The following ALAD variants were observed in gnomAD, a reference collection of about 807,000 sequenced individuals.
ALAD encodes delta-aminolevulinic acid dehydratase.
Under a neutral mutation model 44.4 loss-of-function variants are expected in ALAD, and 20 were observed. That is an observed-to-expected ratio of 0.45 (90% CI 0.32 to 0.65). The LOEUF is 0.65. Among genes scored for constraint, ALAD ranks in the 30% least tolerant of loss-of-function variants. ALAD has a pLI of 0.05. For synonymous variants in ALAD, 156 were observed against 167.9 expected (o/e 0.93, Z 0.55); for missense variants, 323 against 445.7 (o/e 0.72, Z 2.48).
intron 4 of ALAD, among the ~76,000 whole-genome samples, chr9:113,391,317 C>T (rs961781407): frequency 6.6e-6 from 1 of 152,130 alleles, no homozygotes; most frequent in African/African-American, 2.4e-5. Context: ...ATCCTCCCAC[C>T]TCTCCACCTC....
chr9:113,397,630 T>C (rs1337891674), intron 1 of ALAD, among the ~76,000 whole-genome samples: 1 of 143,606 alleles, frequency 7.0e-6, no homozygotes, highest in Admixed American at 6.8e-5. Flanking sequence ...CTTTTTTTTT[T>C]TTTTTTTTTT....
intron 7 of ALAD, 141 bp from the exon 8 acceptor site, chr9:113,389,969 C>G (rs1435878960): frequency 1.0e-6 from 1 of 997,614 alleles, no homozygotes; most frequent in Admixed American, 2.0e-5. Flanking sequence ...CTTGATTTCC[C>G]TGCAGAGGCC....
chr9:113,392,065 C>T (rs573437910), intron 3 of ALAD, 54 bp downstream of exon 3: 4 of 1,492,368 alleles, frequency 2.7e-6, no homozygotes, highest in Non-Finnish European at 3.7e-6. Flanking sequence ...GCACTTCCAC[C>T]TGTGGAATCT....
intron 8 of ALAD, 31 bp downstream of exon 8, chr9:113,389,742 T>G (rs903298299): frequency 6.2e-7 from 1 of 1,614,086 alleles, no homozygotes; most frequent in Non-Finnish European, 8.5e-7. Context: ...GGCCAGGGAT[T>G]CACAGCAGAC....
intron 2 of ALAD, 40 bp downstream of exon 2, chr9:113,393,407 A>AAC: frequency 6.4e-7 from 1 of 1,551,284 alleles, no homozygotes; most frequent in Non-Finnish European, 8.9e-7. Context: ...CCCAACCCCA[A>AAC]CCAGCAGAGC....
In ALAD at chr9:113,390,596, C is replaced by T. The variant is rs1051120652; in HGVS notation, c.478G>A (p.Ala160Thr). The change falls in exon 6 of 12, where the codon GCA (alanine) becomes ACA (threonine). Residue 160 changes from alanine (A) to threonine (T), a missense_variant. Coordinates refer to ENST00000409155, the MANE Select transcript of ALAD (RefSeq NM_000031.6). ...TCCCTGCTGGTGGTTCACTCACCTG[C>T]CTTGGCATACGCCAATGCCACCTCA... The part of the protein sequence containing the change: ...LAEVALAYAK[A>T]GCQVVAPSDM... The T allele has an allele frequency of 1.6e-5, 26 of 1,613,962 alleles. No individual in the cohort carries two copies. The highest frequency in any genetic ancestry group is 2.1e-5 in the Non-Finnish European group (25 of 1,180,034).
chr9:113,400,911 C>T (rs1245613467), intron 1 of ALAD, among the ~76,000 whole-genome samples: 2 of 152,214 alleles, frequency 1.3e-5, no homozygotes, highest in Non-Finnish European at 2.9e-5. Context: ...CCTCCCTACC[C>T]CCCCACCAAC....
chr9:113,392,336 C>T (rs528266924), intron 2 of ALAD, 167 bp from the exon 3 acceptor site: 2 of 1,524,466 alleles, frequency 1.3e-6, no homozygotes, highest in East Asian at 2.3e-5. Flanking sequence ...AGCCCAGGGC[C>T]TGAAATAATA....
Position 113,389,836 on chromosome 9 carries a change from G to T in ALAD, c.571-8C>A. On this transcript the variant is annotated splice_region_variant and splice_polypyrimidine_tract_variant and intron_variant, in intron 7 of 11. Coordinates refer to ENST00000409155, the MANE Select transcript of ALAD (RefSeq NM_000031.6). Reference sequence around the variant, plus strand: ...GTAGCTCATCACCGATACCTATGGGGAGACAATGGAGGTCTTGGCTTATTC... The same window carrying T: ...GTAGCTCATCACCGATACCTATGGGTAGACAATGGAGGTCTTGGCTTATTC... 1.2e-6 allele frequency: 2 copies of T among 1,614,252 alleles called. No individual in the cohort carries two copies.
chr9:113,393,040 G>A (rs1012247960), intron 2 of ALAD: 8 of 210,608 alleles, frequency 3.8e-5, no homozygotes, highest in African/African-American at 1.4e-4. Flanking sequence ...GGATGGTCTC[G>A]ATCTCCTGAC....
chr9:113,400,189 C>G (rs1422744722), intron 1 of ALAD, among the ~76,000 whole-genome samples: 1 of 152,132 alleles, frequency 6.6e-6, no homozygotes, highest in East Asian at 1.9e-4. Flanking sequence ...AAACTGGGCT[C>G]AGAGAGGGGT....
intron 1 of ALAD, among the ~76,000 whole-genome samples, chr9:113,399,900 G>A (rs192312400): frequency 1.3e-5 from 2 of 152,322 alleles, no homozygotes; most frequent in Non-Finnish European, 2.9e-5. Context: ...GCCCCACAAA[G>A]GCCCAGGAGA....
intron 7 of ALAD, 47 bp downstream of exon 7, chr9:113,390,358 G>T: frequency 6.3e-7 from 1 of 1,584,434 alleles, no homozygotes. Context: ...GGCAGGGCTG[G>T]TGCAGACTAT....
rs550332573 is a variant in ALAD at position 113,388,956 on chromosome 9, A to G, written c.931+21T>C. The stretch of plus-strand genomic sequence containing the variant: ...CAGTCCCTGTGGCGCAGGTCAAAAC[A>G]CCCCACCCTTGCCTGCCTACCTGCT... On this transcript the variant is annotated intron_variant, in intron 11 of 11. Transcript: ENST00000409155. 17 of 1,613,310 alleles carry G rather than the reference A, an allele frequency of 1.1e-5. No individual in the cohort carries two copies. The African/African-American group carries it at 1.9e-4, about 18-fold the overall frequency.
At chr9:113,396,726 G>C (rs1249079509) in intron 1 of ALAD, 1 of 153,460 alleles carries the variant, frequency 6.5e-6, no homozygotes, top group Non-Finnish European at 1.5e-5. Context: ...GGAGGCTGCG[G>C]GCAGAGAAGG....
intron 1 of ALAD, among the ~76,000 whole-genome samples, chr9:113,394,714 G>T (rs1288643136): frequency 6.6e-6 from 1 of 152,094 alleles, no homozygotes; most frequent in Non-Finnish European, 1.5e-5. Flanking sequence ...GAAAAGTGCA[G>T]ATAAGCAAAA....
intron 1 of ALAD, chr9:113,396,849 G>C (rs1375996354): frequency 1.3e-5 from 2 of 153,642 alleles, no homozygotes; most frequent in Non-Finnish European, 2.9e-5. Context: ...GAAGAGGGCA[G>C]TGGGGAGCTG....
chr9:113,392,694 T>C (rs1159080838), intron 2 of ALAD: 1 of 163,084 alleles, frequency 6.1e-6, no homozygotes, highest in Non-Finnish European at 1.3e-5. Context: ...CTACTCCTTC[T>C]TCATACAAAT....
At chr9:113,394,896 A>G (rs1027825137) in intron 1 of ALAD, among the ~76,000 whole-genome samples, 2 of 152,056 alleles carry the variant, frequency 1.3e-5, no homozygotes, top group Non-Finnish European at 2.9e-5. Flanking sequence ...TACTAAAAAT[A>G]CAAAAAAAAT....
Sources: gnomAD v4.1 joint callset for allele counts (sites outside exome capture counted in the v4.1 genomes callset) on GRCh38, gnomAD v4.1.1 for gene constraint, MANE v1.5 for transcripts, NCBI Gene and HGNC (gene_info 2026-07-23, HGNC 2026-07-21) for gene names.